The following BCKDHB variants were observed in gnomAD, a reference collection of about 807,000 sequenced individuals.
BCKDHB encodes the protein 2-oxoisovalerate dehydrogenase subunit beta, mitochondrial.
BCKDHB carries 41 observed loss-of-function variants against 48.5 expected under a neutral mutation model. The ratio of observed to expected loss-of-function variants is 0.85; its 90% confidence interval spans 0.66 to 1.10. The LOEUF (loss-of-function observed/expected upper bound fraction) is 1.10, where lower values mean the gene tolerates loss of function less well. BCKDHB is among the 50% of genes least tolerant of loss of function. The pLI is 0.00. For synonymous variants in BCKDHB, 201 were observed against 174.8 expected (o/e 1.15, Z -1.18); for missense variants, 496 against 494.2 (o/e 1.00, Z -0.03).
chr6:80,185,259 A>G (rs534293257), intron 6 of BCKDHB, among the ~76,000 whole-genome samples: 2 of 151,816 alleles, frequency 1.3e-5, no homozygotes, highest in East Asian at 3.9e-4. Context: ...TTTCATTTCC[A>G]GAACTTGTGA....
At position 80,112,719 on chromosome 6, in the gene BCKDHB, G is replaced by A. The variant is rs115799259; in HGVS notation, c.196+5830G>A. Among the ~76,000 whole-genome samples the A allele has an allele frequency of 7.2e-3, 1,095 of 152,312 alleles. 10 individuals carry two copies. The highest frequency in any genetic ancestry group is 0.024 in the African/African-American group (993 of 41,566). On this transcript the variant is annotated intron_variant, in intron 1 of 9. Transcript: ENST00000320393. ...AGACCTCAGAACCTCTGCCGAGGGC[G>A]TCCCCTTTGGAGAGGTTCAGGTCTG...
chr6:80,201,381 A>G (rs1201998893), intron 7 of BCKDHB, among the ~76,000 whole-genome samples: 2 of 152,116 alleles, frequency 1.3e-5, no homozygotes, highest in Non-Finnish European at 1.5e-5. Context: ...TCACTGCTGT[A>G]TATTAGATCC....
intron 9 of BCKDHB, among the ~76,000 whole-genome samples, chr6:80,308,271 T>C (rs890429216): frequency 1.3e-5 from 2 of 152,134 alleles, no homozygotes; most frequent in Non-Finnish European, 2.9e-5. Flanking sequence ...TTGTTTCATA[T>C]TCTTAACTTG....
Position 80,207,132 on chromosome 6 carries a change from A to G in BCKDHB, c.951+3920A>G, listed in dbSNP as rs1774704067. On this transcript the variant is annotated intron_variant, in intron 8 of 9. Coordinates refer to ENST00000320393, the MANE Select transcript of BCKDHB (RefSeq NM_183050.4). The stretch of plus-strand genomic sequence containing the variant: ...AAGGAAAATGATTCTAAAAGAAAAT[A>G]TGGAGGAGAGCATACACTATAGCTT... Among the ~76,000 whole-genome samples the G allele has an allele frequency of 2.6e-5, 4 of 152,132 alleles. No individual in the cohort carries two copies. The South Asian group carries it at 6.2e-4, about 24-fold the overall frequency.
chr6:80,211,757 C>T (rs535804551), intron 8 of BCKDHB, among the ~76,000 whole-genome samples: 4 of 152,046 alleles, frequency 2.6e-5, no homozygotes, highest in African/African-American at 4.8e-5. Context: ...TTCTATTTTC[C>T]ATAAGTGTTG....
intron 8 of BCKDHB, among the ~76,000 whole-genome samples, chr6:80,205,837 G>GTTT (rs1368120428): frequency 3.9e-4 from 36 of 91,918 alleles, no homozygotes; most frequent in African/African-American, 1.4e-3. Context: ...TGTGTGTGTA[G>GTTT]GTGGATTGGC....
chr6:80,397,544 T>G, the BCKDHB span, among the ~76,000 whole-genome samples: 6 of 152,196 alleles, frequency 3.9e-5, no homozygotes, highest in African/African-American at 1.4e-4. Context: ...ATAAGCTATT[T>G]GATGTTACTT....
the BCKDHB span, among the ~76,000 whole-genome samples, chr6:80,433,160 C>T: frequency 2.0e-5 from 3 of 152,162 alleles, no homozygotes; most frequent in Non-Finnish European, 4.4e-5. Context: ...CTTGAGGAGG[C>T]AGTCTGACCC....
At chr6:80,464,272 A>G in the BCKDHB span, among the ~76,000 whole-genome samples, 3 of 151,948 alleles carry the variant, frequency 2.0e-5, no homozygotes, top group Non-Finnish European at 4.4e-5. Flanking sequence ...GACCACAGGC[A>G]TGTGTCACCA....
In BCKDHB at chr6:80,308,510, A is replaced by G. The variant is rs1038296343; in HGVS notation, c.1039-35154A>G. Among the ~76,000 whole-genome samples the G allele has an allele frequency of 4.6e-5, 7 of 152,074 alleles. No individual in the cohort carries two copies. In the East Asian group the frequency reaches 1.3e-3, roughly 29 times the overall value. On this transcript the variant is annotated intron_variant, in intron 9 of 9. Transcript: ENST00000320393. ...TATCAGATCTTATATTATTGTATATAATTTTGTAGATATAATTAAACAGTA... is the reference window on the plus strand; with the variant it reads ...TATCAGATCTTATATTATTGTATATGATTTTGTAGATATAATTAAACAGTA...
rs146167805 is a variant in BCKDHB at position 80,188,026 on chromosome 6, G to A, written c.743-12908G>A. 1.8e-3 allele frequency among the ~76,000 whole-genome samples: 269 copies of A among 152,150 alleles called. 1 individual carries two copies. Among genetic ancestry groups the A allele is most frequent in the African/African-American group, 6.0e-3 (251 of 41,526 alleles). ...CATTCTACCATAAAGACACATGCAC[G>A]TTTATGTTCACTGCAGCACTATTCA... On this transcript the variant is annotated intron_variant, in intron 6 of 9. Coordinates refer to ENST00000320393, the MANE Select transcript of BCKDHB (RefSeq NM_183050.4).
the BCKDHB span, among the ~76,000 whole-genome samples, chr6:80,381,755 C>A: frequency 6.6e-6 from 1 of 152,028 alleles, no homozygotes; most frequent in Non-Finnish European, 1.5e-5. Context: ...TTCTTTATTT[C>A]ACAGGGATGC....
In BCKDHB at chr6:80,319,967, T is replaced by TA. The variant is rs565615532; in HGVS notation, c.1039-23694dup. Among the ~76,000 whole-genome samples the TA allele has an allele frequency of 3.2e-4, 48 of 152,310 alleles. No individual in the cohort carries two copies. The East Asian group carries it at 8.9e-3, about 28-fold the overall frequency. On this transcript the variant is annotated intron_variant, in intron 9 of 9. Transcript: ENST00000320393. ...AACATTGTATAAATGTTACCTAATG[T>TA]AAATACTGCTAAATTTAAGATATAC...
the BCKDHB span, among the ~76,000 whole-genome samples, chr6:80,438,533 A>T: frequency 5.3e-5 from 8 of 152,354 alleles, no homozygotes; most frequent in African/African-American, 1.9e-4. Context: ...AAATAACTCC[A>T]AAAAGACCAT....
chr6:80,331,332 A>G (rs1769305928), intron 9 of BCKDHB, among the ~76,000 whole-genome samples: 1 of 152,212 alleles, frequency 6.6e-6, no homozygotes. Context: ...AAAAACATTT[A>G]TAATAAAGAC....
chr6:80,141,419 T>C (rs1017809027), intron 3 of BCKDHB, among the ~76,000 whole-genome samples: 1 of 152,146 alleles, frequency 6.6e-6, no homozygotes, highest in African/African-American at 2.4e-5. Flanking sequence ...CGAGATTTTC[T>C]GAGTGCATTA....
At chr6:80,443,816 C>A in the BCKDHB span, among the ~76,000 whole-genome samples, 1 of 152,094 alleles carries the variant, frequency 6.6e-6, no homozygotes, top group South Asian at 2.1e-4. Context: ...ATTGAGTGTC[C>A]ATGTGATAGT....
chr6:80,403,707 T>G, the BCKDHB span, among the ~76,000 whole-genome samples: 2 of 152,044 alleles, frequency 1.3e-5, no homozygotes, highest in African/African-American at 4.8e-5. Flanking sequence ...TAATGTTAGC[T>G]GTGGATTTCC....
chr6:80,177,817 C>T (rs1322285808), intron 6 of BCKDHB, among the ~76,000 whole-genome samples: 1 of 152,182 alleles, frequency 6.6e-6, no homozygotes, highest in Non-Finnish European at 1.5e-5. Flanking sequence ...TAAAGGTAGG[C>T]ATCAACAAGT....
Sources: allele counts gnomAD v4.1 joint callset (sites outside exome capture counted in the v4.1 genomes callset), GRCh38; gene constraint gnomAD v4.1.1; transcripts MANE v1.5; gene names NCBI Gene and HGNC (gene_info 2026-07-23, HGNC 2026-07-21).